The following BIK variants were observed in gnomAD, a reference collection of about 807,000 sequenced individuals.
BIK encodes bcl-2-interacting killer.
Under a neutral mutation model 12.1 loss-of-function variants are expected in BIK, and 14 were observed. The observed-to-expected ratio is 1.16, with a 90% CI of 0.77 to 1.81. The LOEUF (loss-of-function observed/expected upper bound fraction) is 1.81, where lower values mean the gene tolerates loss of function less well. Ranked by LOEUF, BIK falls within the 40% of genes most tolerant of loss-of-function variation. The pLI, the probability that BIK is intolerant of heterozygous loss-of-function variation, is 0.00. For synonymous variants in BIK, 86 were observed against 92.3 expected (o/e 0.93, Z 0.39); for missense variants, 215 against 207.9 (o/e 1.03, Z -0.21).
chr22:43,126,188 C>T (rs1022604693), intron 2 of BIK, among the ~76,000 whole-genome samples: 2 of 137,182 alleles, frequency 1.5e-5, no homozygotes, highest in African/African-American at 2.8e-5. Flanking sequence ...GCATGCCCGG[C>T]TTTTTTTTTT....
intron 1 of BIK, among the ~76,000 whole-genome samples, chr22:43,122,633 C>T (rs1930241377): frequency 6.6e-6 from 1 of 152,156 alleles, no homozygotes; most frequent in South Asian, 2.1e-4. Context: ...CCTTCTCTGC[C>T]ATCATGATGA....
intron 1 of BIK, 78 bp downstream of exon 1, chr22:43,110,881 G>C (rs1929996434): frequency 6.6e-6 from 1 of 151,964 alleles, no homozygotes; most frequent in South Asian, 2.1e-4. Context: ...GCCGCGGCCC[G>C]GGTGCCGAGC....
intron 2 of BIK, 34 bp from the exon 3 acceptor site, chr22:43,127,663 A>G: frequency 6.5e-7 from 1 of 1,528,386 alleles, no homozygotes; most frequent in Non-Finnish European, 8.8e-7. Flanking sequence ...TCCACGGCAC[A>G]GCCACACCCG....
At chr22:43,121,196 A>C (rs1930212451) in intron 1 of BIK, among the ~76,000 whole-genome samples, 1 of 152,062 alleles carries the variant, frequency 6.6e-6, no homozygotes, top group Non-Finnish European at 1.5e-5. Flanking sequence ...ACAAACAAAC[A>C]AAAAAACACT....
chr22:43,126,479 A>G (rs1245172003), intron 2 of BIK, among the ~76,000 whole-genome samples: 4 of 152,022 alleles, frequency 2.6e-5, no homozygotes, highest in Admixed American at 6.5e-5. Flanking sequence ...GAGCCACCAC[A>G]CCCGGCCAGG....
intron 1 of BIK, among the ~76,000 whole-genome samples, chr22:43,113,095 T>C (rs990152430): frequency 6.6e-6 from 1 of 152,012 alleles, no homozygotes; most frequent in Non-Finnish European, 1.5e-5. Context: ...TCCCAGCTAC[T>C]TGGGAGGCTG....
intron 1 of BIK, among the ~76,000 whole-genome samples, chr22:43,122,524 G>A (rs999334757): frequency 2.1e-4 from 32 of 152,120 alleles, no homozygotes; most frequent in African/African-American, 4.1e-4. Flanking sequence ...TTAGATTTCC[G>A]TGCCACAGTC....
At chr22:43,115,471 T>TA (rs1442934490) in intron 1 of BIK, among the ~76,000 whole-genome samples, 7 of 151,420 alleles carry the variant, frequency 4.6e-5, no homozygotes, top group African/African-American at 1.7e-4. Context: ...CTTGTTTTAT[T>TA]TTTTTTTTGA....
intron 1 of BIK, among the ~76,000 whole-genome samples, chr22:43,123,511 G>A (rs770691049): frequency 2.4e-4 from 37 of 152,206 alleles, no homozygotes; most frequent in Non-Finnish European, 5.1e-4. Context: ...CACTTTGGGA[G>A]GCCGAGGTGG....
chr22:43,111,218 G>A (rs1197398643), intron 1 of BIK, among the ~76,000 whole-genome samples: 3 of 152,312 alleles, frequency 2.0e-5, no homozygotes, highest in East Asian at 3.9e-4. Flanking sequence ...CCACGGCCGC[G>A]GCCGCACAGC....
At chr22:43,125,995 C>T (rs1323421220) in intron 2 of BIK, among the ~76,000 whole-genome samples, 3 of 151,952 alleles carry the variant, frequency 2.0e-5, no homozygotes, top group East Asian at 3.9e-4. Flanking sequence ...TGTCCAGGCA[C>T]ACCCGGCCAT....
chr22:43,128,596 T>TCCTTA lies in BIK; in HGVS notation c.361_362insCCTTA (p.Phe121SerfsTer81), dbSNP rs1930370768. 6.2e-7 allele frequency: 1 copy of TCCTTA among 1,612,998 alleles called. No individual in the cohort carries two copies. Among genetic ancestry groups the TCCTTA allele is most frequent in the South Asian group, 1.1e-5 (1 of 91,034 alleles). On this transcript the variant is annotated frameshift_variant, in exon 4 of 5. Coordinates refer to ENST00000216115, the MANE Select transcript of BIK (RefSeq NM_001197.5). LOFTEE classifies it low-confidence loss of function (END_TRUNC). ...CACACTTAAGGAGAACATAATGAGG[T>TCCTTA]TCTGGAGATCCCCGAACCCCGGGTC...
At chr22:43,115,134 G>A (rs1455651521) in intron 1 of BIK, among the ~76,000 whole-genome samples, 1 of 152,218 alleles carries the variant, frequency 6.6e-6, no homozygotes, top group Non-Finnish European at 1.5e-5. Flanking sequence ...AGACCTTGAT[G>A]GGCTGAGTGC....
chr22:43,114,709 C>G (rs1173267035), intron 1 of BIK, among the ~76,000 whole-genome samples: 2 of 152,218 alleles, frequency 1.3e-5, no homozygotes, highest in Non-Finnish European at 2.9e-5. Flanking sequence ...ATTCCCTGTG[C>G]AGACAATGGC....
At chr22:43,113,942 G>C (rs1930061090) in intron 1 of BIK, among the ~76,000 whole-genome samples, 1 of 152,206 alleles carries the variant, frequency 6.6e-6, no homozygotes, top group African/African-American at 2.4e-5. Context: ...CTGGACACAT[G>C]TGGCCACTTC....
intron 1 of BIK, among the ~76,000 whole-genome samples, chr22:43,113,361 G>A (rs1011522877): frequency 3.3e-5 from 5 of 152,126 alleles, no homozygotes; most frequent in South Asian, 2.1e-4. Context: ...AGGCTGGAGT[G>A]CAATGGCTGG....
intron 1 of BIK, among the ~76,000 whole-genome samples, chr22:43,112,259 C>T (rs753686073): frequency 1.3e-4 from 20 of 152,202 alleles, no homozygotes; most frequent in African/African-American, 3.4e-4. Flanking sequence ...AGTGCAATGG[C>T]GCCGTCTCGG....
intron 1 of BIK, among the ~76,000 whole-genome samples, chr22:43,118,238 C>T (rs1168676825): frequency 2.0e-5 from 3 of 152,184 alleles, no homozygotes; most frequent in African/African-American, 4.8e-5. Context: ...GATGGTCACA[C>T]TACCCTCCAG....
At chr22:43,128,064 G>T (rs995407997) in intron 3 of BIK, among the ~76,000 whole-genome samples, 1 of 152,098 alleles carries the variant, frequency 6.6e-6, no homozygotes, top group Non-Finnish European at 1.5e-5. Context: ...TCCTCATTGA[G>T]CCCAGATGGT....
Sources: gnomAD v4.1 joint callset for allele counts (sites outside exome capture counted in the v4.1 genomes callset) on GRCh38, gnomAD v4.1.1 for gene constraint, MANE v1.5 for transcripts, NCBI Gene and HGNC (gene_info 2026-07-23, HGNC 2026-07-21) for gene names.